The following SRBD1 variants were observed in gnomAD, a reference collection of about 807,000 sequenced individuals.
The protein encoded by SRBD1 is S1 RNA-binding domain-containing protein 1.
A neutral mutation model predicts 115.3 loss-of-function variants in SRBD1; 88 were observed. That is an observed-to-expected ratio of 0.76 (90% CI 0.64 to 0.91). The LOEUF is 0.91. Among genes scored for constraint, SRBD1 ranks in the 40% least tolerant of loss-of-function variants. The pLI is 0.00. For synonymous variants in SRBD1, 509 were observed against 407.7 expected, an observed-to-expected ratio of 1.25 and a Z score of -2.99; for missense variants, 1,385 against 1,177.4, an observed-to-expected ratio of 1.18 and a Z score of -2.58.
intron 8 of SRBD1, among the ~76,000 whole-genome samples, chr2:45,574,047 T>G (rs1273527358): frequency 6.6e-6 from 1 of 152,166 alleles, no homozygotes; most frequent in African/African-American, 2.4e-5. Context: ...TTTTAATTAA[T>G]GTGTTTTTTT....
At chr2:45,413,999 T>A (rs1025374098) in intron 18 of SRBD1, among the ~76,000 whole-genome samples, 1 of 152,056 alleles carries the variant, frequency 6.6e-6, no homozygotes, top group Non-Finnish European at 1.5e-5. Context: ...CTTTACAATA[T>A]AAATAATCTT....
At chr2:45,503,934 T>C (rs1227127681) in intron 14 of SRBD1, among the ~76,000 whole-genome samples, 11 of 152,108 alleles carry the variant, frequency 7.2e-5, no homozygotes, top group Admixed American at 7.2e-4. Context: ...ATAAAGAAAG[T>C]TTAAATTTGC....
At chr2:45,402,886 C>A (rs1225118665) in intron 19 of SRBD1, among the ~76,000 whole-genome samples, 1 of 152,146 alleles carries the variant, frequency 6.6e-6, no homozygotes, top group African/African-American at 2.4e-5. Flanking sequence ...CCTTAGCTCT[C>A]TGGATCAACC....
intron 11 of SRBD1, among the ~76,000 whole-genome samples, chr2:45,551,838 C>G (rs1039488973): frequency 2.0e-5 from 3 of 152,030 alleles, no homozygotes; most frequent in Admixed American, 2.0e-4. Context: ...ACAAGATCAG[C>G]TGAAAGAAGT....
chr2:45,585,520 T>C (rs1281705548), intron 5 of SRBD1, 88 bp downstream of exon 5: 2 of 1,397,440 alleles, frequency 1.4e-6, no homozygotes, highest in Non-Finnish European at 2.0e-6. Flanking sequence ...AATGTTGAAA[T>C]TGTCAAATAT....
At chr2:45,562,896 C>G in intron 9 of SRBD1, 140 bp from the exon 10 acceptor site, 1 of 522,856 alleles carries the variant, frequency 1.9e-6, no homozygotes, top group Middle Eastern at 3.3e-4. Flanking sequence ...TTTACTTACA[C>G]TTTTTTCAAG....
At chr2:45,493,071 T>C (rs1670348233) in intron 14 of SRBD1, among the ~76,000 whole-genome samples, 1 of 152,224 alleles carries the variant, frequency 6.6e-6, no homozygotes. Flanking sequence ...TCTTCCCCTT[T>C]TCCTTCCTTC....
chr2:45,602,831 G>C (rs898552039), intron 2 of SRBD1, among the ~76,000 whole-genome samples: 1 of 152,178 alleles, frequency 6.6e-6, no homozygotes, highest in South Asian at 2.1e-4. Context: ...AGTGAATAGG[G>C]AAGTCTGGGT....
Position 45,553,773 on chromosome 2 carries a change from A to C in SRBD1, c.1410-43T>G, listed in dbSNP as rs763073920. 10 of 1,338,940 alleles carry C rather than the reference A, an allele frequency of 7.5e-6. 1 individual carries two copies. Among genetic ancestry groups the C allele is most frequent in the South Asian group, 4.7e-5 (3 of 63,630 alleles). 82.9% of individuals were successfully genotyped at this position (1,338,940 alleles called of 1,614,324 possible). A position where few individuals can be genotyped will look rare whatever the true frequency, so the allele number is the denominator to read the frequency against. On this transcript the variant is annotated intron_variant, in intron 10 of 20. Coordinates refer to ENST00000263736, the MANE Select transcript of SRBD1 (RefSeq NM_018079.5). ...CCACACTAAAACTGATGCAACAATAAATAAGGCCATAAAAAGGCTCCCAAA... is the reference window on the plus strand; with the variant it reads ...CCACACTAAAACTGATGCAACAATACATAAGGCCATAAAAAGGCTCCCAAA...
At chr2:45,408,422 G>A (rs746855748) in intron 19 of SRBD1, among the ~76,000 whole-genome samples, 2 of 152,168 alleles carry the variant, frequency 1.3e-5, no homozygotes, top group Non-Finnish European at 2.9e-5. Context: ...TCAGGAGTTG[G>A]ACTGCAACAG....
At chr2:45,392,675 A>G (rs1364044167) in intron 20 of SRBD1, among the ~76,000 whole-genome samples, 1 of 152,236 alleles carries the variant, frequency 6.6e-6, no homozygotes, top group Non-Finnish European at 1.5e-5. Flanking sequence ...GTCTCCATGC[A>G]TACAGCAGTA....
At chr2:45,611,092 T>TA (rs1425518421) in intron 1 of SRBD1, 127 bp downstream of exon 1, 1 of 152,148 alleles carries the variant, frequency 6.6e-6, no homozygotes, top group Non-Finnish European at 1.5e-5. Context: ...TTCTCACTTT[T>TA]AAAAAAGGGG....
chr2:45,418,468 T>A lies in SRBD1; in HGVS notation c.2230A>T (p.Asn744Tyr). ...TTCACTTTCTTCAGCTGTTCTCGGT[T>A]GATAAAGGGTCCATTTTTCTCTCGC... ...EWREKNGPFI[N>Y]REQLKKVKGL... Residue 744 changes from asparagine (N) to tyrosine (Y), a missense_variant, in exon 18 of 21, where the codon AAC (asparagine) becomes TAC (tyrosine). Coordinates refer to ENST00000263736, the MANE Select transcript of SRBD1 (RefSeq NM_018079.5). 6.2e-7 allele frequency: 1 copy of A among 1,613,956 alleles called. No individual in the cohort carries two copies. Among genetic ancestry groups the A allele is most frequent in the Non-Finnish European group, 8.5e-7 (1 of 1,179,974 alleles).
intron 20 of SRBD1, among the ~76,000 whole-genome samples, chr2:45,391,812 G>A (rs934768018): frequency 1.3e-5 from 2 of 152,178 alleles, no homozygotes; most frequent in African/African-American, 4.8e-5. Context: ...TCGACACTAT[G>A]ACAGAAAAAT....
rs1325895479 is a variant in SRBD1, at chr2:45,553,611, C to T, written c.1517+12G>A. ...AATCAGTACACAAAATTAAACAAGACAAGATATATACCTGAATTCTCTACA... is the reference window on the plus strand; with the variant it reads ...AATCAGTACACAAAATTAAACAAGATAAGATATATACCTGAATTCTCTACA... On this transcript the variant is annotated intron_variant, in intron 11 of 20. Transcript: ENST00000263736. 2 of 1,536,226 alleles carry T rather than the reference C, an allele frequency of 1.3e-6. No homozygotes were observed. Among genetic ancestry groups the T allele is most frequent in the Non-Finnish European group, 1.8e-6 (2 of 1,136,858 alleles).
chr2:45,577,581 G>A (rs898895551), intron 7 of SRBD1, among the ~76,000 whole-genome samples: 1 of 152,082 alleles, frequency 6.6e-6, no homozygotes, highest in Non-Finnish European at 1.5e-5. Context: ...TAGTCCATTT[G>A]TGGCACAGTA....
chr2:45,545,872 A>T (rs1672104501), intron 14 of SRBD1, among the ~76,000 whole-genome samples: 1 of 152,186 alleles, frequency 6.6e-6, no homozygotes, highest in African/African-American at 2.4e-5. Flanking sequence ...CTTTTGGCCT[A>T]CCTACACAAA....
chr2:45,447,817 CT>C (rs1312079869), intron 16 of SRBD1: 1 of 152,000 alleles, frequency 6.6e-6, no homozygotes, highest in Non-Finnish European at 1.5e-5. Context: ...ACATTTTAAG[CT>C]AATATAATTT....
chr2:45,553,628 T>C lies in SRBD1; in HGVS notation c.1512A>G (p.Glu504=), dbSNP rs778139808. The C allele has an allele frequency of 6.3e-7, 1 of 1,579,730 alleles. No individual in the cohort carries two copies. Among genetic ancestry groups the C allele is most frequent in the Non-Finnish European group, 8.6e-7 (1 of 1,165,318 alleles). ...KRLIYPLLCR[E]FRAKLTSDAE... is the part of the protein sequence containing the mutation. Reference sequence around the variant, plus strand: ...AAACAAGACAAGATATATACCTGAATTCTCTACAGAGAAGAGGATAAATAA... The same window carrying C: ...AAACAAGACAAGATATATACCTGAACTCTCTACAGAGAAGAGGATAAATAA... Residue 504 remains glutamate (E), a synonymous_variant, in exon 11 of 21, where the codon GAA becomes GAG. Transcript: ENST00000263736.
Sources: gnomAD v4.1 joint callset for allele counts (sites outside exome capture counted in the v4.1 genomes callset) on GRCh38, gnomAD v4.1.1 for gene constraint, MANE v1.5 for transcripts, NCBI Gene and HGNC (gene_info 2026-07-23, HGNC 2026-07-21) for gene names.